The following SPRYD7 variants were observed in gnomAD, a reference collection of about 807,000 sequenced individuals.
The protein encoded by SPRYD7 is SPRY domain containing 7.
A neutral mutation model predicts 23.8 loss-of-function variants in SPRYD7; 14 were observed. That is an observed-to-expected ratio of 0.59 (90% CI 0.39 to 0.92). SPRYD7 has a LOEUF of 0.92. Ranked by LOEUF, SPRYD7 falls within the 40% of genes least tolerant of loss-of-function variation. The probability of loss-of-function intolerance (pLI) is 0.00; values close to 1 mark genes in which losing one functional copy is unlikely to be tolerated. For missense variants in SPRYD7, 194 were observed against 241.7 expected (o/e 0.80, Z 1.31); for synonymous variants, 75 against 84.9 (o/e 0.88, Z 0.64).
At chr13:49,929,058 A>T (rs1319272067) in intron 2 of SPRYD7, among the ~76,000 whole-genome samples, 2 of 151,858 alleles carry the variant, frequency 1.3e-5, no homozygotes, top group African/African-American at 4.8e-5. Flanking sequence ...CTGGTCTCAA[A>T]CTCCTGGCCT....
At chr13:49,935,736 C>G (rs550568510) in intron 1 of SPRYD7, 84 of 158,018 alleles carry the variant, frequency 5.3e-4, no homozygotes, top group African/African-American at 1.9e-3. Context: ...GAGACAGGAC[C>G]GACAGTCAGG....
At chr13:49,923,495 C>T (rs1278121808) in intron 3 of SPRYD7, among the ~76,000 whole-genome samples, 6 of 152,170 alleles carry the variant, frequency 3.9e-5, no homozygotes, top group African/African-American at 1.4e-4. Context: ...CTGCCCGCCT[C>T]GGTCTCCCAA....
intron 3 of SPRYD7, among the ~76,000 whole-genome samples, chr13:49,922,306 ATATT>A (rs1171176621): frequency 2.0e-5 from 3 of 148,790 alleles, no homozygotes; most frequent in Non-Finnish European, 4.5e-5. Flanking sequence ...TATAAATAAA[ATATT>A]TATTTGTATA....
intron 1 of SPRYD7, among the ~76,000 whole-genome samples, chr13:49,933,580 C>A (rs565417368): frequency 2.1e-5 from 3 of 143,032 alleles, no homozygotes; most frequent in African/African-American, 7.8e-5. Context: ...CCAGCCTGGG[C>A]GACAGAGCGA....
chr13:49,919,573 A>G (rs1056906151), intron 4 of SPRYD7, among the ~76,000 whole-genome samples: 1 of 151,730 alleles, frequency 6.6e-6, no homozygotes, highest in African/African-American at 2.4e-5. Flanking sequence ...AAAAAACCCC[A>G]AAAGTTAGCT....
rs1566404654 is a variant in SPRYD7, at chr13:49,924,996, AT to A, written c.390+2922del. On this transcript the variant is annotated intron_variant, in intron 3 of 4. Transcript: ENST00000361840. ...CATCTCAAAAAAAAAAAATAAATAAATAATAATAATAATAATAATAATAATA... is the reference window on the plus strand; with the variant it reads ...CATCTCAAAAAAAAAAAATAAATAAAAATAATAATAATAATAATAATAATA... Among the ~76,000 whole-genome samples, 16 of 83,738 alleles carry A rather than the reference AT, an allele frequency of 1.9e-4. No individual in the cohort carries two copies. In the East Asian group the frequency reaches 6.8e-3, roughly 35 times the overall value. The allele number at this position is 83,738 out of a possible 152,430, so 54.9% of individuals were successfully genotyped here. A position where few individuals can be genotyped will look rare whatever the true frequency, so the allele number is the denominator to read the frequency against.
intron 3 of SPRYD7, among the ~76,000 whole-genome samples, chr13:49,927,700 A>G (rs1193655534): frequency 6.6e-6 from 1 of 152,216 alleles, no homozygotes; most frequent in African/African-American, 2.4e-5. Flanking sequence ...AAGGGTTCAC[A>G]CTGATTTTCC....
In SPRYD7 at chr13:49,921,566, G is replaced by A. The variant is rs927885918; in HGVS notation, c.405C>T (p.Asp135=). ...QEGDVVGITY[D]HVELNVYLNG... ...TCAAGTATACATTTAATTCGACATG[G>A]TCATAAGTAATACCCTAGGAAGGAA... Residue 135 remains aspartate, a synonymous_variant, in exon 4 of 5, where the codon GAC becomes GAT. Transcript: ENST00000361840. 1.2e-6 allele frequency: 2 copies of A among 1,607,098 alleles called. No individual in the cohort carries two copies. The highest frequency in any genetic ancestry group is 1.7e-6 in the Non-Finnish European group (2 of 1,173,866).
intron 3 of SPRYD7, among the ~76,000 whole-genome samples, chr13:49,923,595 A>G (rs1190783170): frequency 2.6e-5 from 4 of 152,166 alleles, no homozygotes; most frequent in Non-Finnish European, 4.4e-5. Context: ...TCCCAGTACC[A>G]AAGAAGTGAG....
chr13:49,925,255 G>A (rs1955868892), intron 3 of SPRYD7, among the ~76,000 whole-genome samples: 1 of 151,946 alleles, frequency 6.6e-6, no homozygotes, highest in Admixed American at 6.6e-5. Flanking sequence ...AGCCAGGCGT[G>A]GTGGCACGCA....
chr13:49,925,816 CAAA>C (rs796496808), intron 3 of SPRYD7, among the ~76,000 whole-genome samples: 6 of 114,668 alleles, frequency 5.2e-5, no homozygotes, highest in Admixed American at 9.0e-5. Context: ...CATCTGAAAA[CAAA>C]AAAAAAAAAA....
chr13:49,921,703 T>C (rs888876218), intron 3 of SPRYD7, 123 bp from the exon 4 acceptor site: 15 of 620,452 alleles, frequency 2.4e-5, no homozygotes, highest in Non-Finnish European at 4.0e-5. Flanking sequence ...GGGTTGACAA[T>C]TTGGTAGAAT....
chr13:49,915,630 C>G (rs1336601756), intron 4 of SPRYD7, among the ~76,000 whole-genome samples: 2 of 152,206 alleles, frequency 1.3e-5, no homozygotes, highest in Non-Finnish European at 2.9e-5. Context: ...AACCAGGAAA[C>G]TGACATTGGT....
chr13:49,931,370 G>A (rs533550958), intron 1 of SPRYD7, among the ~76,000 whole-genome samples: 160 of 152,086 alleles, frequency 1.1e-3, no homozygotes, highest in African/African-American at 3.7e-3. Flanking sequence ...TAGTAGAGAT[G>A]GGGGTTTCAC....
intron 1 of SPRYD7, 34 bp downstream of exon 1, chr13:49,936,096 G>C (rs1416149226): frequency 6.0e-6 from 9 of 1,507,166 alleles, no homozygotes; most frequent in Non-Finnish European, 8.0e-6. Context: ...CGGCCCCCGT[G>C]AGCCGTTGGG....
chr13:49,927,799 T>G, intron 3 of SPRYD7, 120 bp downstream of exon 3: 1 of 1,036,458 alleles, frequency 9.6e-7, no homozygotes. Context: ...CACCATCTCA[T>G]TAGATCCAAT....
chr13:49,930,547 C>T (rs1955936289), intron 2 of SPRYD7, among the ~76,000 whole-genome samples: 1 of 151,720 alleles, frequency 6.6e-6, no homozygotes, highest in South Asian at 2.1e-4. Flanking sequence ...CGCCACTGCA[C>T]TCCAGCCTGG....
At chr13:49,917,925 A>C (rs1412485066) in intron 4 of SPRYD7, among the ~76,000 whole-genome samples, 1 of 152,254 alleles carries the variant, frequency 6.6e-6, no homozygotes, top group African/African-American at 2.4e-5. Context: ...GGAGAAAAGA[A>C]GGCTAATGAA....
chr13:49,914,514 A>G lies in SPRYD7; in HGVS notation c.*549T>C, dbSNP rs1381564939. On this transcript the variant is annotated 3_prime_UTR_variant, in exon 5 of 5. Coordinates refer to ENST00000361840, the MANE Select transcript of SPRYD7 (RefSeq NM_020456.4). ...TTCACAAAGCAAATCAAAAGCAATGACATTACACAACAAAATAAGCAATTT... is the reference window on the plus strand; with the variant it reads ...TTCACAAAGCAAATCAAAAGCAATGGCATTACACAACAAAATAAGCAATTT... 2 of 152,384 alleles carry G rather than the reference A, an allele frequency of 1.3e-5. No individual in the cohort carries two copies. The highest frequency in any genetic ancestry group is 2.9e-5 in the Non-Finnish European group (2 of 68,030). 9.4% of individuals were successfully genotyped at this position (152,384 alleles called of 1,614,324 possible). A position where few individuals can be genotyped will look rare whatever the true frequency, so the allele number is the denominator to read the frequency against.
Sources: allele counts gnomAD v4.1 joint callset (sites outside exome capture counted in the v4.1 genomes callset), GRCh38; gene constraint gnomAD v4.1.1; transcripts MANE v1.5; gene names NCBI Gene and HGNC (gene_info 2026-07-23, HGNC 2026-07-21).